The following RHD variants were observed in gnomAD, a reference collection of about 807,000 sequenced individuals.
RHD encodes Rh blood group D antigen.
RHD carries 16 observed loss-of-function variants against 45.5 expected under a neutral mutation model. The ratio of observed to expected loss-of-function variants is 0.35; its 90% CI spans 0.24 to 0.53. The LOEUF is 0.53. RHD is among the 20% of genes least tolerant of loss of function. The probability of loss-of-function intolerance (pLI) is 0.92; values close to 1 mark genes in which losing one functional copy is unlikely to be tolerated. For missense variants in RHD, 306 were observed against 532.0 expected, an observed-to-expected ratio of 0.58 and a Z score of 4.18; for synonymous variants, 131 against 217.5, an observed-to-expected ratio of 0.60 and a Z score of 3.50.
At chr1:25,320,765 G>A (rs1054382839) in intron 8 of RHD, among the ~76,000 whole-genome samples, 1 of 132,040 alleles carries the variant, frequency 7.6e-6, no homozygotes, top group African/African-American at 2.6e-5. Context: ...ATGGAGGTTG[G>A]GCACAGTGGC....
At chr1:25,282,003 C>T (rs1452062035) in intron 1 of RHD, among the ~76,000 whole-genome samples, 1 of 132,180 alleles carries the variant, frequency 7.6e-6, no homozygotes, top group Non-Finnish European at 1.8e-5. Flanking sequence ...GGGCTGGAGA[C>T]CAGTGGCAGG....
At position 25,275,643 on chromosome 1, in the gene RHD, A is replaced by C. The variant is rs559918494; in HGVS notation, c.148+2948A>C. Among the ~76,000 whole-genome samples the C allele has an allele frequency of 1.6e-3, 216 of 133,572 alleles. 48 individuals carry two copies. The highest frequency in any genetic ancestry group is 2.9e-3 in the Non-Finnish European group (165 of 56,318). The allele number at this position is 133,572 out of a possible 152,430, so 87.6% of individuals were successfully genotyped here. ...ATATTTTGTATGTTACAATAAATACATACAAATTAGGAAAATTGAAAGAGA... is the reference window on the plus strand; with the variant it reads ...ATATTTTGTATGTTACAATAAATACCTACAAATTAGGAAAATTGAAAGAGA... On this transcript the variant is annotated intron_variant, in intron 1 of 9. Transcript: ENST00000328664.
intron 8 of RHD, among the ~76,000 whole-genome samples, chr1:25,321,349 CAA>C (rs569995563): frequency 3.3e-4 from 29 of 87,070 alleles, no homozygotes; most frequent in African/African-American, 3.7e-4. Context: ...TTCTTTTTTT[CAA>C]AAAAAAAAAA....
chr1:25,299,310 G>A (rs1407002170), intron 3 of RHD, among the ~76,000 whole-genome samples: 1 of 130,470 alleles, frequency 7.7e-6, no homozygotes, highest in East Asian at 2.0e-4. Context: ...TGAACCCAAC[G>A]GGTGGAGGTT....
Position 25,282,382 on chromosome 1 carries a change from A to G in RHD, c.149-2191A>G, listed in dbSNP as rs370072201. Among the ~76,000 whole-genome samples the G allele has an allele frequency of 1.1e-3, 145 of 130,836 alleles. 24 individuals are homozygous for G. Among genetic ancestry groups the G allele is most frequent in the East Asian group, 4.3e-3 (22 of 5,074 alleles). The allele number at this position is 130,836 out of a possible 152,430, so 85.8% of individuals were successfully genotyped here. A position where few individuals can be genotyped will look rare whatever the true frequency, so the allele number is the denominator to read the frequency against. ...CGAGTAGCTGGGATTACAGGTGCCC[A>G]CCACCACATCCAGCTAATTTTTTTG... On this transcript the variant is annotated intron_variant, in intron 1 of 9. Transcript: ENST00000328664.
At position 25,297,051 on chromosome 1, in the gene RHD, C is replaced by A. The variant is rs187408993; in HGVS notation, c.487-3895C>A. On this transcript the variant is annotated intron_variant, in intron 3 of 9. Transcript: ENST00000328664. ...ATTTCACCAATTTTCTCAATAATAT[C>A]TTTTCTAGAAAAAAATATATATTTT... is the stretch of plus-strand genomic sequence containing the variant. Among the ~76,000 whole-genome samples, 89 of 130,878 alleles carry A rather than the reference C, an allele frequency of 6.8e-4. 13 individuals carry two copies. The highest frequency in any genetic ancestry group is 2.1e-3 in the African/African-American group (78 of 37,866). 85.9% of individuals were successfully genotyped at this position (130,878 alleles called of 152,430 possible).
rs371834528 is a variant in RHD, at chr1:25,314,483, G to C, written c.1074-2517G>C. 2.3e-5 allele frequency among the ~76,000 whole-genome samples: 3 copies of C among 131,788 alleles called. 1 individual carries two copies. The highest frequency in any genetic ancestry group is 5.4e-5 in the Non-Finnish European group (3 of 55,568). 86.5% of individuals were successfully genotyped at this position (131,788 alleles called of 152,430 possible). On this transcript the variant is annotated intron_variant, in intron 7 of 9. Coordinates refer to ENST00000328664, the MANE Select transcript of RHD (RefSeq NM_016124.6). Reference sequence around the variant, plus strand: ...CCTGGATATGAATCCCACTTTGTGCGTTACCTTTTTCCTTCTTTCTTTCTT... The same window carrying C: ...CCTGGATATGAATCCCACTTTGTGCCTTACCTTTTTCCTTCTTTCTTTCTT...
intron 1 of RHD, among the ~76,000 whole-genome samples, chr1:25,276,625 G>T (rs1272384001): frequency 1.6e-5 from 2 of 127,992 alleles, no homozygotes; most frequent in African/African-American, 5.4e-5. Flanking sequence ...GAGGTGAGAG[G>T]CTTGCTTGAG....
chr1:25,279,840 G>A (rs1399064291), intron 1 of RHD, among the ~76,000 whole-genome samples: 3 of 130,492 alleles, frequency 2.3e-5, no homozygotes, highest in African/African-American at 5.4e-5. Context: ...ATGGGCGCCC[G>A]GGTAGCACAT....
intron 2 of RHD, among the ~76,000 whole-genome samples, chr1:25,286,890 C>A (rs1273180537): frequency 3.0e-5 from 4 of 134,286 alleles, no homozygotes; most frequent in African/African-American, 1.0e-4. Context: ...GTCAGGAGTC[C>A]GAGACCAACC....
In RHD at chr1:25,284,353, G is replaced by A. The variant is rs1641767435; in HGVS notation, c.149-220G>A. Among the ~76,000 whole-genome samples the A allele has an allele frequency of 4.4e-5, 6 of 135,772 alleles. No homozygotes were observed. The South Asian group carries it at 1.3e-3, about 30-fold the overall frequency. 89.1% of individuals were successfully genotyped at this position (135,772 alleles called of 152,430 possible). A position where few individuals can be genotyped will look rare whatever the true frequency, so the allele number is the denominator to read the frequency against. On this transcript the variant is annotated intron_variant, in intron 1 of 9. Transcript: ENST00000328664. Reference sequence around the variant, plus strand: ...TGCCCTAAGTGCTTAATTAGCTTTAGCTCCTCTAATCCTTATCTTATCCCC... The same window carrying A: ...TGCCCTAAGTGCTTAATTAGCTTTAACTCCTCTAATCCTTATCTTATCCCC...
chr1:25,275,065 A>T (rs1640837033), intron 1 of RHD, among the ~76,000 whole-genome samples: 1 of 127,118 alleles, frequency 7.9e-6, no homozygotes, highest in East Asian at 2.0e-4. Context: ...CAAGGCAGGC[A>T]GATCACCTGA....
Position 25,277,920 on chromosome 1 carries a change from C to A in RHD, c.148+5225C>A, listed in dbSNP as rs1316995584. ...AACTCCCAACCTCAGGTGATGCACC[C>A]GCCTTGGCCTCCCAAAGTGCTGGGA... On this transcript the variant is annotated intron_variant, in intron 1 of 9. Transcript: ENST00000328664. Among the ~76,000 whole-genome samples, 2 of 133,104 alleles carry A rather than the reference C, an allele frequency of 1.5e-5. 1 individual carries two copies. Among genetic ancestry groups the A allele is most frequent in the Non-Finnish European group, 3.6e-5 (2 of 56,024 alleles). 87.3% of individuals were successfully genotyped at this position (133,104 alleles called of 152,430 possible). A position where few individuals can be genotyped will look rare whatever the true frequency, so the allele number is the denominator to read the frequency against.
chr1:25,299,153 G>A lies in RHD; in HGVS notation c.487-1793G>A, dbSNP rs1162586751. ...TCCCAGCGCTTTGGGAGGCCAAGGC[G>A]GATGGATCACTTGAGGTCAGGAGTT... On this transcript the variant is annotated intron_variant, in intron 3 of 9. Transcript: ENST00000328664. Among the ~76,000 whole-genome samples, 29 of 127,524 alleles carry A rather than the reference G, an allele frequency of 2.3e-4. 4 individuals are homozygous for A. The highest frequency in any genetic ancestry group is 1.5e-3 in the Admixed American group (20 of 13,170). The allele number at this position is 127,524 out of a possible 152,430, so 83.7% of individuals were successfully genotyped here. A position where few individuals can be genotyped will look rare whatever the true frequency, so the allele number is the denominator to read the frequency against.
intron 4 of RHD, 142 bp from the exon 5 acceptor site, chr1:25,301,378 A>G: frequency 1.2e-6 from 1 of 835,344 alleles, no homozygotes; most frequent in South Asian, 1.5e-5. Context: ...GAGAGCTCGG[A>G]GGGGAGACGT....
intron 7 of RHD, among the ~76,000 whole-genome samples, chr1:25,316,618 GAAAA>G (rs1171433774): frequency 9.8e-5 from 4 of 40,630 alleles, no homozygotes; most frequent in South Asian, 1.1e-3. Context: ...AACAAAAACA[GAAAA>G]AAAAAAAAAA....
At position 25,282,760 on chromosome 1, in the gene RHD, C is replaced by T. The variant is rs181099172; in HGVS notation, c.149-1813C>T. On this transcript the variant is annotated intron_variant, in intron 1 of 9. Transcript: ENST00000328664. ...GCCAAAAATTAGCCAGGCGTGGTGG[C>T]GCGCGCCTGTGGTTCCCACTGAAGC... Among the ~76,000 whole-genome samples, 101 of 129,882 alleles carry T rather than the reference C, an allele frequency of 7.8e-4. 24 individuals are homozygous for T. Among genetic ancestry groups the T allele is most frequent in the South Asian group, 2.4e-3 (10 of 4,248 alleles). 85.2% of individuals were successfully genotyped at this position (129,882 alleles called of 152,430 possible).
intron 9 of RHD, among the ~76,000 whole-genome samples, chr1:25,322,392 G>A (rs1429406860): frequency 7.5e-6 from 1 of 133,250 alleles, no homozygotes; most frequent in Admixed American, 7.3e-5. Flanking sequence ...CTTACAACTG[G>A]CTGGGCACGG....
chr1:25,276,517 A>AC lies in RHD; in HGVS notation c.148+3831dup, dbSNP rs59535574. ...AGACGAGCCTAGGAAACATAGGGAG[A>AC]CCCCCCCCCATCTCTAAAAAAAAAA... On this transcript the variant is annotated intron_variant, in intron 1 of 9. Transcript: ENST00000328664. Among the ~76,000 whole-genome samples, 787 of 91,604 alleles carry AC rather than the reference A, an allele frequency of 8.6e-3. 37 individuals are homozygous for AC. Among genetic ancestry groups the AC allele is most frequent in the African/African-American group, 0.032 (753 of 23,202 alleles). 60.1% of individuals were successfully genotyped at this position (91,604 alleles called of 152,430 possible). A position where few individuals can be genotyped will look rare whatever the true frequency, so the allele number is the denominator to read the frequency against.
Sources: allele counts gnomAD v4.1 joint callset (sites outside exome capture counted in the v4.1 genomes callset), GRCh38; gene constraint gnomAD v4.1.1; transcripts MANE v1.5; gene names NCBI Gene and HGNC (gene_info 2026-07-23, HGNC 2026-07-21).